Variants in CASP8 observed in about 807,000 individuals in gnomAD.
The protein encoded by CASP8 is caspase-8.
A neutral mutation model predicts 46.3 loss-of-function variants in CASP8; 24 were observed. The ratio of observed to expected loss-of-function variants is 0.52; its 90% confidence interval spans 0.38 to 0.73. The LOEUF is 0.73. CASP8 is among the 30% of genes least tolerant of loss of function. The pLI is 0.00. For synonymous variants in CASP8, 188 were observed against 200.4 expected (o/e 0.94, Z 0.52); for missense variants, 460 against 559.0 (o/e 0.82, Z 1.79).
At position 201,283,264 on chromosome 2, in the gene CASP8, G is replaced by A. The variant is rs1302684061; in HGVS notation, c.803-1552G>A. 2.5e-4 allele frequency among the ~76,000 whole-genome samples: 24 copies of A among 94,310 alleles called. 1 individual carries two copies. The highest frequency in any genetic ancestry group is 5.4e-4 in the Non-Finnish European group (22 of 40,536). The allele number at this position is 94,310 out of a possible 152,430, so 61.9% of individuals were successfully genotyped here. ...CCCGGACTGGGCGGCTGGCCGGGCGGGGGGTTGAACCCCCACCTCCCTCCT... is the reference window on the plus strand; with the variant it reads ...CCCGGACTGGGCGGCTGGCCGGGCGAGGGGTTGAACCCCCACCTCCCTCCT... On this transcript the variant is annotated intron_variant, in intron 7 of 8. Transcript: ENST00000673742.
intron 2 of CASP8, among the ~76,000 whole-genome samples, chr2:201,235,611 A>G (rs1053425802): frequency 2.6e-5 from 4 of 152,186 alleles, no homozygotes; most frequent in African/African-American, 7.2e-5. Flanking sequence ...GTACTACCTA[A>G]TAGTACAGCC....
upstream of CASP8, among the ~76,000 whole-genome samples, chr2:201,256,699 T>C (rs1947034733): frequency 6.6e-6 from 1 of 152,214 alleles, no homozygotes; most frequent in Non-Finnish European, 1.5e-5. Context: ...TCCTCATCCA[T>C]AACATGGGAG....
chr2:201,260,568 G>A lies in CASP8; in HGVS notation c.-72G>A. On this transcript the variant is annotated 5_prime_UTR_variant, in exon 1 of 9. The change creates a premature stop within an existing upstream ORF in the 5' untranslated region. Coordinates refer to ENST00000673742, the MANE Select transcript of CASP8 (RefSeq NM_001372051.1). ...TGCTCTTGTCTTAGATGCTCAGATGGTAGTGGATAGGCCTGTGACGAAGGT... is the reference window on the plus strand; with the variant it reads ...TGCTCTTGTCTTAGATGCTCAGATGATAGTGGATAGGCCTGTGACGAAGGT... 1.0e-6 allele frequency: 1 copy of A among 985,302 alleles called. No individual in the cohort carries two copies. The highest frequency in any genetic ancestry group is 1.2e-6 in the Non-Finnish European group (1 of 829,816). 61.0% of individuals were successfully genotyped at this position (985,302 alleles called of 1,614,324 possible).
intron 2 of CASP8, chr2:201,269,611 A>C: frequency 6.2e-7 from 1 of 1,602,258 alleles, no homozygotes; most frequent in South Asian, 1.1e-5. Context: ...ATAAGGCAGG[A>C]TCTCTCTTAA....
rs1173499037 is a variant in CASP8, at chr2:201,287,388, A to AC, written c.*798dup. On this transcript the variant is annotated 3_prime_UTR_variant, in exon 9 of 9. Coordinates refer to ENST00000673742, the MANE Select transcript of CASP8 (RefSeq NM_001372051.1). ...ACTCAAGCTTGGGTGACAGAACAAG[A>AC]CCCCGTCTCAAAAAAAATTTTTTTT... 5 of 152,620 alleles carry AC rather than the reference A, an allele frequency of 3.3e-5. No homozygotes were observed. Among genetic ancestry groups the AC allele is most frequent in the Admixed American group, 2.6e-4 (4 of 15,284 alleles). 9.5% of individuals were successfully genotyped at this position (152,620 alleles called of 1,614,324 possible).
intron 2 of CASP8, among the ~76,000 whole-genome samples, chr2:201,238,759 TTTTATTTA>T (rs201152745): frequency 1.3e-5 from 2 of 151,920 alleles, no homozygotes; most frequent in Non-Finnish European, 2.9e-5. Flanking sequence ...TTACTTTTTA[TTTTATTTA>T]TTTATTTATT....
intron 1 of CASP8, among the ~76,000 whole-genome samples, chr2:201,265,061 AG>A (rs1180732190): frequency 6.6e-6 from 1 of 152,152 alleles, no homozygotes; most frequent in Non-Finnish European, 1.5e-5. Flanking sequence ...TGTAATCAGG[AG>A]GGGGAAAAGA....
chr2:201,273,050 T>C, intron 5 of CASP8, 108 bp downstream of exon 5: 2 of 813,372 alleles, frequency 2.5e-6, no homozygotes, highest in East Asian at 2.6e-5. Context: ...GTGCCTGCTC[T>C]ACTTTTTCTT....
chr2:201,236,058 C>T (rs1337083699), intron 2 of CASP8, among the ~76,000 whole-genome samples: 1 of 152,184 alleles, frequency 6.6e-6, no homozygotes, highest in East Asian at 1.9e-4. Flanking sequence ...TTTCTTGGAA[C>T]TTATGCCTGT....
chr2:201,240,141 AT>A (rs1317148568), intron 2 of CASP8: 1 of 152,186 alleles, frequency 6.6e-6, no homozygotes, highest in Non-Finnish European at 1.5e-5. Flanking sequence ...ATGCATGCAG[AT>A]TTGGCCCAGG....
At chr2:201,282,748 A>C (rs1949174519) in intron 7 of CASP8, among the ~76,000 whole-genome samples, 2 of 65,906 alleles carry the variant, frequency 3.0e-5, no homozygotes, top group African/African-American at 5.0e-5. Flanking sequence ...AGGGGTCCTC[A>C]CTTCCCAGTA....
At chr2:201,282,360 TC>T (rs1477491127) in intron 7 of CASP8, among the ~76,000 whole-genome samples, 1 of 51,492 alleles carries the variant, frequency 1.9e-5, no homozygotes, top group Non-Finnish European at 4.7e-5. Context: ...CCGGCAACCA[TC>T]CGATTTCTCA....
chr2:201,286,424 C>T (rs1380128205), intron 8 of CASP8, 35 bp from the exon 9 acceptor site: 3 of 1,606,912 alleles, frequency 1.9e-6, no homozygotes, highest in Non-Finnish European at 2.6e-6. Context: ...TGCTTTCCCC[C>T]ACAGACAGTC....
intron 2 of CASP8, among the ~76,000 whole-genome samples, chr2:201,267,326 C>T (rs1405766476): frequency 2.0e-5 from 3 of 152,050 alleles, no homozygotes; most frequent in East Asian, 1.9e-4. Flanking sequence ...CACCTGCTTG[C>T]GGATGGCTAT....
chr2:201,242,881 T>G (rs1191548784), intron 2 of CASP8: 1 of 152,266 alleles, frequency 6.6e-6, no homozygotes, highest in East Asian at 1.9e-4. Context: ...TCACATAAAA[T>G]GGAATATTAT....
chr2:201,251,451 T>G (rs1303809534), intron 2 of CASP8, among the ~76,000 whole-genome samples: 3 of 151,796 alleles, frequency 2.0e-5, no homozygotes, highest in African/African-American at 7.3e-5. Context: ...AAAAATTAGC[T>G]GGGCGTGGTG....
intron 5 of CASP8, 55 bp from the exon 6 acceptor site, chr2:201,274,834 C>T (rs1389940102): frequency 1.6e-6 from 2 of 1,284,240 alleles, no homozygotes; most frequent in Non-Finnish European, 2.3e-6. Flanking sequence ...ATTTCATTAC[C>T]AGTGTACCTT....
intron 7 of CASP8, among the ~76,000 whole-genome samples, chr2:201,279,367 C>T (rs1311717947): frequency 1.3e-5 from 2 of 152,186 alleles, no homozygotes; most frequent in Admixed American, 6.5e-5. Flanking sequence ...TGAAGAAAAC[C>T]TGCTGGTGGC....
upstream of CASP8, among the ~76,000 whole-genome samples, chr2:201,256,349 C>G (rs1947017135): frequency 1.3e-5 from 2 of 152,170 alleles, no homozygotes; most frequent in Non-Finnish European, 2.9e-5. Context: ...GTGTCCTCAT[C>G]CATAAAATGG....
Sources: allele counts gnomAD v4.1 joint callset (sites outside exome capture counted in the v4.1 genomes callset), GRCh38; gene constraint gnomAD v4.1.1; transcripts MANE v1.5; gene names NCBI Gene and HGNC (gene_info 2026-07-23, HGNC 2026-07-21).